Variants in ANKRD12 observed in about 807,000 individuals in gnomAD.
ANKRD12 encodes ankyrin repeat domain 12, also known as ankyrin repeat domain-containing protein 12.
In ANKRD12, 85 loss-of-function variants were observed where a neutral mutation model predicts 183.4. That is an observed-to-expected ratio of 0.46 (90% CI 0.39 to 0.56). The LOEUF (loss-of-function observed/expected upper bound fraction) is 0.56. Among genes scored for constraint, ANKRD12 ranks in the 20% least tolerant of loss-of-function variants. The pLI, the probability that ANKRD12 is intolerant of heterozygous loss-of-function variation, is 0.00. For synonymous variants in ANKRD12, 914 were observed against 800.2 expected, an observed-to-expected ratio of 1.14 and a Z score of -2.40; for missense variants, 2,405 against 2,357.1, an observed-to-expected ratio of 1.02 and a Z score of -0.42.
At chr18:9,214,964 G>A (rs2036011059) in intron 6 of ANKRD12, among the ~76,000 whole-genome samples, 1 of 152,104 alleles carries the variant, frequency 6.6e-6, no homozygotes, top group Non-Finnish European at 1.5e-5. Context: ...GAAGATCAGG[G>A]ATCTAAAGCT....
chr18:9,204,975 T>TA (rs1363176668), intron 4 of ANKRD12, among the ~76,000 whole-genome samples: 2 of 152,210 alleles, frequency 1.3e-5, no homozygotes, highest in Non-Finnish European at 1.5e-5. Flanking sequence ...TGATGTTTTT[T>TA]AAAAAACACA....
chr18:9,283,080 A>G lies in ANKRD12; in HGVS notation c.*1954A>G, dbSNP rs2040158302. 6.6e-6 allele frequency: 1 copy of G among 152,598 alleles called. No individual in the cohort carries two copies. The highest frequency in any genetic ancestry group is 1.5e-5 in the Non-Finnish European group (1 of 68,012). The allele number at this position is 152,598 out of a possible 1,614,324, so 9.5% of individuals were successfully genotyped here. Reference sequence around the variant, plus strand: ...CTTTTTAATATGAAAACTTACTGCAAAGTTTGTTTATACTTTTGCCTAAAA... The same window carrying G: ...CTTTTTAATATGAAAACTTACTGCAGAGTTTGTTTATACTTTTGCCTAAAA... On this transcript the variant is annotated 3_prime_UTR_variant, in exon 13 of 13. Coordinates refer to ENST00000262126, the MANE Select transcript of ANKRD12 (RefSeq NM_015208.5).
rs187421957 is a variant in ANKRD12, at chr18:9,255,011, C to T, written c.1744C>T (p.Arg582Trp). 46 of 1,607,552 alleles carry T rather than the reference C, an allele frequency of 2.9e-5. No homozygotes were observed. The highest frequency in any genetic ancestry group is 1.7e-4 in the Middle Eastern group (1 of 6,048). The change falls in exon 9 of 13, where the codon CGG (arginine) becomes TGG (tryptophan). Residue 582 changes from arginine to tryptophan, a missense_variant. Arg to Trp is a moderately radical substitution (Grantham distance 101, BLOSUM62 -3). Coordinates refer to ENST00000262126, the MANE Select transcript of ANKRD12 (RefSeq NM_015208.5). ...AATGTCATTACAGCCTGATCTTGTT[C>T]GGTATGATAATACAGAATCTGAATT... ...SEMSLQPDLV[R>W]YDNTESEFLP... is the part of the protein sequence containing the mutation.
At chr18:9,191,447 T>C (rs1432276435) in intron 2 of ANKRD12, among the ~76,000 whole-genome samples, 1 of 152,244 alleles carries the variant, frequency 6.6e-6, no homozygotes, top group Non-Finnish European at 1.5e-5. Context: ...ATATACTCTT[T>C]TGCTGTTTTC....
At chr18:9,222,879 A>G (rs902174588) in intron 8 of ANKRD12, among the ~76,000 whole-genome samples, 1 of 152,238 alleles carries the variant, frequency 6.6e-6, no homozygotes, top group African/African-American at 2.4e-5. Flanking sequence ...AATTGTAAAT[A>G]TACTCCAACT....
At chr18:9,163,802 G>A (rs937565316) in intron 1 of ANKRD12, among the ~76,000 whole-genome samples, 2 of 152,040 alleles carry the variant, frequency 1.3e-5, no homozygotes, top group African/African-American at 2.4e-5. Context: ...TTATGAATGG[G>A]AATTCATTCA....
At chr18:9,183,688 C>T (rs577968502) in intron 2 of ANKRD12, among the ~76,000 whole-genome samples, 44 of 152,006 alleles carry the variant, frequency 2.9e-4, no homozygotes, top group Non-Finnish European at 4.0e-4. Flanking sequence ...TTTTCCAGTC[C>T]GGATATTTCT....
intron 11 of ANKRD12, among the ~76,000 whole-genome samples, chr18:9,278,903 CATT>C (rs987196267): frequency 6.6e-6 from 1 of 152,058 alleles, no homozygotes; most frequent in Non-Finnish European, 1.5e-5. Flanking sequence ...TGTACCTAAG[CATT>C]ATGATGAGGG....
At chr18:9,181,498 A>G (rs1726002040) in intron 1 of ANKRD12, among the ~76,000 whole-genome samples, 1 of 152,214 alleles carries the variant, frequency 6.6e-6, no homozygotes, top group Non-Finnish European at 1.5e-5. Context: ...GTTGTAGCCC[A>G]AGTAATACTC....
At chr18:9,210,725 C>CAAAAA (rs71168045) in intron 5 of ANKRD12, among the ~76,000 whole-genome samples, 3 of 84,592 alleles carry the variant, frequency 3.5e-5, no homozygotes, top group African/African-American at 4.5e-5. Flanking sequence ...GACTCTGTCT[C>CAAAAA]AAAAAAAAAA....
At chr18:9,280,474 G>A (rs906848548) in intron 12 of ANKRD12, among the ~76,000 whole-genome samples, 1 of 152,120 alleles carries the variant, frequency 6.6e-6, no homozygotes, top group Non-Finnish European at 1.5e-5. Context: ...TGGTATGTGT[G>A]TACAAACAGG....
chr18:9,275,174 G>C (rs2039773340), intron 10 of ANKRD12, among the ~76,000 whole-genome samples: 1 of 152,090 alleles, frequency 6.6e-6, no homozygotes. Context: ...GGGTGACAGA[G>C]TGAGAAGAGG....
intron 1 of ANKRD12, among the ~76,000 whole-genome samples, chr18:9,146,213 T>A (rs766210954): frequency 6.6e-6 from 1 of 152,260 alleles, no homozygotes; most frequent in Non-Finnish European, 1.5e-5. Context: ...TTTGCCTTTT[T>A]TTCCCCCGAT....
At chr18:9,259,188 C>A (rs1181480284) in intron 9 of ANKRD12, among the ~76,000 whole-genome samples, 1 of 152,116 alleles carries the variant, frequency 6.6e-6, no homozygotes, top group South Asian at 2.1e-4. Context: ...CTATAAAGAA[C>A]AAATTTAAAT....
At chr18:9,179,050 A>G (rs1213352075) in intron 1 of ANKRD12, among the ~76,000 whole-genome samples, 1 of 152,120 alleles carries the variant, frequency 6.6e-6, no homozygotes, top group East Asian at 1.9e-4. Flanking sequence ...ATGTTGTTGT[A>G]GGTTGTATTT....
At chr18:9,268,730 C>G (rs942522475) in intron 10 of ANKRD12, among the ~76,000 whole-genome samples, 1 of 152,216 alleles carries the variant, frequency 6.6e-6, no homozygotes, top group South Asian at 2.1e-4. Context: ...CATGCTCTCT[C>G]TCACCACTCC....
chr18:9,222,522 C>G (rs2036479936), intron 8 of ANKRD12, among the ~76,000 whole-genome samples: 1 of 149,638 alleles, frequency 6.7e-6, no homozygotes, highest in Non-Finnish European at 1.5e-5. Flanking sequence ...AAAACATTTA[C>G]TGTGTTGAAG....
intron 1 of ANKRD12, among the ~76,000 whole-genome samples, chr18:9,174,847 C>T (rs6506642): frequency 0.11 from 11,192 of 101,470 alleles, 428 homozygotes; most frequent in Non-Finnish European, 0.13. Context: ...AGGAATAATC[C>T]CAGTGCTTTG....
chr18:9,196,506 C>T (rs2034833809), intron 3 of ANKRD12, among the ~76,000 whole-genome samples: 1 of 152,092 alleles, frequency 6.6e-6, no homozygotes, highest in Non-Finnish European at 1.5e-5. Flanking sequence ...GAAAGTATTC[C>T]ATTCTGAGTT....
Sources: allele counts gnomAD v4.1 joint callset (sites outside exome capture counted in the v4.1 genomes callset), GRCh38; gene constraint gnomAD v4.1.1; transcripts MANE v1.5; gene names NCBI Gene and HGNC (gene_info 2026-07-23, HGNC 2026-07-21).